NELL1: variants seen among roughly 807,000 people sequenced by gnomAD.
The protein encoded by NELL1 is neural EGFL like 1, also known as protein kinase C-binding protein NELL1.
A neutral mutation model predicts 107.4 loss-of-function variants in NELL1; 76 were observed. The observed-to-expected ratio is 0.71, with a 90% CI of 0.59 to 0.86. NELL1 has a LOEUF of 0.86. Ranked by LOEUF, NELL1 falls within the 40% of genes least tolerant of loss-of-function variation. The pLI, the probability that NELL1 is intolerant of heterozygous loss-of-function variation, is 0.00. For synonymous variants in NELL1, 353 were observed against 341.2 expected (o/e 1.03, Z -0.38); for missense variants, 1,024 against 1,005.5 (o/e 1.02, Z -0.25).
Position 20,897,331 on chromosome 11 carries a change from A to C in NELL1, c.603+11791A>C, listed in dbSNP as rs547488398. Among the ~76,000 whole-genome samples, 3 of 152,350 alleles carry C rather than the reference A, an allele frequency of 2.0e-5. No homozygotes were observed. In the East Asian group the frequency reaches 5.8e-4, roughly 29 times the overall value. On this transcript the variant is annotated intron_variant, in intron 5 of 19. Coordinates refer to ENST00000357134, the MANE Select transcript of NELL1 (RefSeq NM_006157.5). ...ATGGGGAAAGGATTCCCTATTTAAT[A>C]AATGGTGCTGGGAAAACTGGCTAGC...
chr11:20,790,859 A>T (rs1857060488), intron 3 of NELL1, among the ~76,000 whole-genome samples: 1 of 152,176 alleles, frequency 6.6e-6, no homozygotes, highest in East Asian at 1.9e-4. Context: ...AGGCCTGGCC[A>T]CGCCTCCCTG....
intron 12 of NELL1, among the ~76,000 whole-genome samples, chr11:20,973,353 C>T (rs1851539867): frequency 6.6e-6 from 1 of 152,146 alleles, no homozygotes; most frequent in South Asian, 2.1e-4. Flanking sequence ...GGTGATCCAC[C>T]TGCCTCGGCC....
intron 15 of NELL1, among the ~76,000 whole-genome samples, chr11:21,434,292 T>A (rs1425762474): frequency 7.9e-5 from 12 of 152,146 alleles, no homozygotes; most frequent in Admixed American, 7.9e-4. Context: ...AGCATTTCCT[T>A]ATAATTCTTC....
At chr11:20,964,390 C>T (rs764271961) in intron 12 of NELL1, among the ~76,000 whole-genome samples, 1 of 152,176 alleles carries the variant, frequency 6.6e-6, no homozygotes, top group African/African-American at 2.4e-5. Flanking sequence ...ATCATGCCAT[C>T]TGTCAGGTGT....
intron 11 of NELL1, among the ~76,000 whole-genome samples, chr11:20,948,937 A>T (rs935375576): frequency 6.6e-6 from 1 of 152,120 alleles, no homozygotes; most frequent in Non-Finnish European, 1.5e-5. Flanking sequence ...AGCTCAGGTA[A>T]CCTCATATTT....
rs566393894 is a variant in NELL1, at chr11:21,201,428, G to A, written c.1427-27904G>A. 5.3e-5 allele frequency among the ~76,000 whole-genome samples: 8 copies of A among 152,168 alleles called. No homozygotes were observed. In the East Asian group the frequency reaches 1.5e-3, roughly 29 times the overall value. On this transcript the variant is annotated intron_variant, in intron 13 of 19. Coordinates refer to ENST00000357134, the MANE Select transcript of NELL1 (RefSeq NM_006157.5). ...TAGTTCACTCATGATTTGGCTCTCT[G>A]TCTATTATTGGCGTATAGTAATGCT...
At chr11:21,232,181 T>TATATATATATATATATATATATATTA (rs1375976378) in intron 14 of NELL1, among the ~76,000 whole-genome samples, 1 of 131,996 alleles carries the variant, frequency 7.6e-6, no homozygotes, top group Admixed American at 7.7e-5. Context: ...TATATATAAA[T>TATATATATATATATATATATATATTA]TAGCTGGGCG....
chr11:21,063,937 T>C (rs954942048), intron 12 of NELL1, among the ~76,000 whole-genome samples: 6 of 152,320 alleles, frequency 3.9e-5, no homozygotes, highest in East Asian at 1.9e-4. Flanking sequence ...ATTGGCAAAC[T>C]GTGGGTTGTA....
intron 17 of NELL1, among the ~76,000 whole-genome samples, chr11:21,561,304 A>G (rs940638806): frequency 6.6e-6 from 1 of 151,998 alleles, no homozygotes; most frequent in Non-Finnish European, 1.5e-5. Flanking sequence ...TCTGCCACAC[A>G]TCCACAGACC....
intron 12 of NELL1, among the ~76,000 whole-genome samples, chr11:21,028,853 C>G (rs965975710): frequency 6.6e-6 from 1 of 152,074 alleles, no homozygotes; most frequent in Non-Finnish European, 1.5e-5. Context: ...ATTTAAAAAG[C>G]TCTCAAGTTA....
intron 15 of NELL1, among the ~76,000 whole-genome samples, chr11:21,413,790 C>A (rs1187501924): frequency 6.6e-6 from 1 of 152,068 alleles, no homozygotes; most frequent in Non-Finnish European, 1.5e-5. Context: ...AAGATCTCAA[C>A]ATTAATTTCA....
At chr11:21,255,553 C>T (rs892345784) in intron 14 of NELL1, among the ~76,000 whole-genome samples, 3 of 151,884 alleles carry the variant, frequency 2.0e-5, no homozygotes, top group Non-Finnish European at 2.9e-5. Context: ...CAGTATAGCT[C>T]GAAAGCTGGA....
chr11:21,399,295 T>C (rs772797129), intron 15 of NELL1, among the ~76,000 whole-genome samples: 13 of 151,770 alleles, frequency 8.6e-5, no homozygotes, highest in Non-Finnish European at 1.0e-4. Flanking sequence ...TCTAGGCATT[T>C]TGTCAAGTTG....
At chr11:20,735,584 A>G (rs1855743350) in intron 2 of NELL1, among the ~76,000 whole-genome samples, 1 of 152,210 alleles carries the variant, frequency 6.6e-6, no homozygotes, top group African/African-American at 2.4e-5. Context: ...GGAAACTACA[A>G]TTCAAGATGA....
chr11:20,938,320 A>G (rs1358164806), intron 10 of NELL1, among the ~76,000 whole-genome samples: 1 of 152,192 alleles, frequency 6.6e-6, no homozygotes, highest in Non-Finnish European at 1.5e-5. Context: ...ATCTCATTCA[A>G]TAATCATTCG....
At chr11:20,942,091 A>G (rs1850867230) in intron 10 of NELL1, among the ~76,000 whole-genome samples, 1 of 152,248 alleles carries the variant, frequency 6.6e-6, no homozygotes, top group Non-Finnish European at 1.5e-5. Flanking sequence ...AAAGATTGAA[A>G]AGAATGAGGC....
intron 15 of NELL1, among the ~76,000 whole-genome samples, chr11:21,518,068 A>G (rs1197696748): frequency 6.6e-6 from 1 of 151,660 alleles, no homozygotes; most frequent in Non-Finnish European, 1.5e-5. Flanking sequence ...TGGGAATCAT[A>G]AACCCTAGTG....
intron 12 of NELL1, among the ~76,000 whole-genome samples, chr11:21,062,004 C>T (rs1435393517): frequency 6.6e-6 from 1 of 152,148 alleles, no homozygotes; most frequent in African/African-American, 2.4e-5. Flanking sequence ...CATACATTCT[C>T]CAGATTGTCT....
chr11:21,535,474 T>C (rs1056695342), intron 16 of NELL1, among the ~76,000 whole-genome samples: 3 of 152,216 alleles, frequency 2.0e-5, no homozygotes, highest in Non-Finnish European at 2.9e-5. Context: ...TCAGTGTTTT[T>C]TCAACTTCTC....
Sources: allele counts gnomAD v4.1 joint callset (sites outside exome capture counted in the v4.1 genomes callset), GRCh38; gene constraint gnomAD v4.1.1; transcripts MANE v1.5; gene names NCBI Gene and HGNC (gene_info 2026-07-23, HGNC 2026-07-21).